Variants in CSMD1 observed in about 807,000 individuals in gnomAD.
The protein encoded by CSMD1 is CUB and sushi domain-containing protein 1.
A neutral mutation model predicts 417.5 loss-of-function variants in CSMD1; 213 were observed. The ratio of observed to expected loss-of-function variants is 0.51; its 90% CI spans 0.46 to 0.57. The LOEUF (loss-of-function observed/expected upper bound fraction) is 0.57. Among genes scored for constraint, CSMD1 ranks in the 20% least tolerant of loss-of-function variants. The pLI is 0.00. For missense variants in CSMD1, 6,923 were observed against 4,529.7 expected (o/e 1.53, Z -15.17); for synonymous variants, 2,862 against 1,736.8 (o/e 1.65, Z -16.11).
intron 1 of CSMD1, among the ~76,000 whole-genome samples, chr8:4,762,082 T>C (rs17071221): frequency 0.095 from 14,378 of 152,144 alleles, 841 homozygotes; most frequent in Non-Finnish European, 0.13. Flanking sequence ...GTAAGTATAG[T>C]AGCTGGTGTT....
intron 3 of CSMD1, among the ~76,000 whole-genome samples, chr8:4,136,300 AG>A (rs1411573858): frequency 2.0e-5 from 3 of 152,334 alleles, no homozygotes; most frequent in African/African-American, 7.2e-5. Flanking sequence ...ATCTTTTTTT[AG>A]CTTCCAGATT....
chr8:3,998,581 G>C (rs1043969857), intron 4 of CSMD1, among the ~76,000 whole-genome samples: 4 of 152,076 alleles, frequency 2.6e-5, no homozygotes, highest in Non-Finnish European at 5.9e-5. Context: ...GATTAATTTG[G>C]GTTTTGAATT....
intron 41 of CSMD1, among the ~76,000 whole-genome samples, chr8:3,130,372 C>A (rs1254299031): frequency 6.6e-6 from 1 of 152,094 alleles, no homozygotes; most frequent in Non-Finnish European, 1.5e-5. Context: ...TGTGTTGGAG[C>A]TGAAAGCCTC....
intron 1 of CSMD1, among the ~76,000 whole-genome samples, chr8:4,822,131 G>A (rs373179144): frequency 6.6e-6 from 1 of 151,734 alleles, no homozygotes; most frequent in Non-Finnish European, 1.5e-5. Flanking sequence ...TTCCCTTTTT[G>A]AAAGTTAAAT....
chr8:3,468,552 A>T (rs930147774), intron 12 of CSMD1, among the ~76,000 whole-genome samples, 160 bp downstream of exon 12: 1 of 152,188 alleles, frequency 6.6e-6, no homozygotes, highest in Non-Finnish European at 1.5e-5. Flanking sequence ...TCATTCACGA[A>T]AGCGAGTGTT....
chr8:3,867,445 G>T (rs1037453767), intron 5 of CSMD1, among the ~76,000 whole-genome samples: 1 of 151,922 alleles, frequency 6.6e-6, no homozygotes, highest in Admixed American at 6.6e-5. Context: ...AGTCTTCCTG[G>T]CTATGGTTTA....
At chr8:4,729,876 G>C (rs560172078) in intron 1 of CSMD1, among the ~76,000 whole-genome samples, 8 of 152,240 alleles carry the variant, frequency 5.3e-5, no homozygotes, top group African/African-American at 1.9e-4. Flanking sequence ...AATTCCTAAG[G>C]TGATAGGAAC....
chr8:3,991,024 C>T (rs142585302), intron 5 of CSMD1, among the ~76,000 whole-genome samples: 4 of 152,300 alleles, frequency 2.6e-5, no homozygotes, highest in Non-Finnish European at 5.9e-5. Flanking sequence ...AAAACACAGC[C>T]TGCCTGCTTC....
intron 6 of CSMD1, among the ~76,000 whole-genome samples, chr8:3,722,239 C>T (rs950106837): frequency 6.6e-6 from 1 of 151,954 alleles, no homozygotes; most frequent in South Asian, 2.1e-4. Flanking sequence ...ACCAGGGAGG[C>T]AGAGATTGCA....
At chr8:4,048,130 G>C (rs950392875) in intron 3 of CSMD1, among the ~76,000 whole-genome samples, 8 of 152,116 alleles carry the variant, frequency 5.3e-5, no homozygotes, top group Non-Finnish European at 1.2e-4. Flanking sequence ...AAACATACTT[G>C]CCTAAGGTGA....
chr8:4,519,070 C>A (rs370747047), intron 2 of CSMD1, among the ~76,000 whole-genome samples: 3 of 152,094 alleles, frequency 2.0e-5, no homozygotes, highest in East Asian at 3.9e-4. Flanking sequence ...AACAAGAGTC[C>A]ATTCCCACCA....
chr8:4,904,413 CTT>C (rs1051071095), intron 1 of CSMD1, among the ~76,000 whole-genome samples: 1 of 152,132 alleles, frequency 6.6e-6, no homozygotes, highest in Non-Finnish European at 1.5e-5. Context: ...GAACAAACAA[CTT>C]ATATCTCACA....
intron 2 of CSMD1, among the ~76,000 whole-genome samples, chr8:4,453,254 T>C (rs1799260378): frequency 6.7e-6 from 1 of 149,326 alleles, no homozygotes; most frequent in African/African-American, 2.5e-5. Context: ...CTGAACCTCC[T>C]AGCTGTACCT....
At chr8:4,383,258 A>T (rs1246556714) in intron 3 of CSMD1, among the ~76,000 whole-genome samples, 1 of 152,188 alleles carries the variant, frequency 6.6e-6, no homozygotes, top group Admixed American at 6.6e-5. Flanking sequence ...AGCATTGTCT[A>T]GTACAGTTTG....
chr8:3,620,942 G>T (rs1478506879), intron 7 of CSMD1, among the ~76,000 whole-genome samples: 1 of 152,126 alleles, frequency 6.6e-6, no homozygotes, highest in Non-Finnish European at 1.5e-5. Flanking sequence ...GACTGTATTT[G>T]GAGATAGAGA....
At chr8:3,220,139 C>A (rs1420898587) in intron 28 of CSMD1, among the ~76,000 whole-genome samples, 2 of 107,102 alleles carry the variant, frequency 1.9e-5, no homozygotes, top group African/African-American at 8.5e-5. Context: ...AGAGACAGAA[C>A]AAGACCCTGT....
intron 2 of CSMD1, among the ~76,000 whole-genome samples, chr8:4,435,951 C>T (rs1563170514): frequency 6.6e-6 from 1 of 152,092 alleles, no homozygotes; most frequent in Admixed American, 6.6e-5. Flanking sequence ...ACATTCTTAG[C>T]CTTTACATCC....
intron 7 of CSMD1, among the ~76,000 whole-genome samples, chr8:3,700,878 G>A (rs1354878482): frequency 6.6e-6 from 1 of 152,184 alleles, no homozygotes; most frequent in Non-Finnish European, 1.5e-5. Flanking sequence ...GTCTGGAGAA[G>A]AGGAAGGATG....
At chr8:4,861,132 T>G (rs534709956) in intron 1 of CSMD1, among the ~76,000 whole-genome samples, 128 of 152,166 alleles carry the variant, frequency 8.4e-4, no homozygotes, top group Non-Finnish European at 1.4e-3. Context: ...AGTACGTATT[T>G]AGTGAATGTT....
Sources: allele counts gnomAD v4.1 joint callset (sites outside exome capture counted in the v4.1 genomes callset), GRCh38; gene constraint gnomAD v4.1.1; transcripts MANE v1.5; gene names NCBI Gene and HGNC (gene_info 2026-07-23, HGNC 2026-07-21).